The following SPOCK3 variants were observed in gnomAD, a reference collection of about 807,000 sequenced individuals.
SPOCK3 encodes testican-3.
Under a neutral mutation model 56.6 loss-of-function variants are expected in SPOCK3, and 30 were observed. That is an observed-to-expected ratio of 0.53 (90% confidence interval 0.40 to 0.72). The LOEUF (loss-of-function observed/expected upper bound fraction) is 0.72, where lower values mean the gene tolerates loss of function less well. Ranked by LOEUF, SPOCK3 falls within the 30% of genes least tolerant of loss-of-function variation. The pLI, the probability that SPOCK3 is intolerant of heterozygous loss-of-function variation, is 0.00. For missense variants in SPOCK3, 527 were observed against 530.0 expected (o/e 0.99, Z 0.06); for synonymous variants, 196 against 183.3 (o/e 1.07, Z -0.56).
intron 6 of SPOCK3, among the ~76,000 whole-genome samples, chr4:166,795,537 A>G (rs1276390907): frequency 6.6e-6 from 1 of 152,116 alleles, no homozygotes; most frequent in Non-Finnish European, 1.5e-5. Context: ...TAACCGATTT[A>G]CTTTAAAATT....
chr4:167,066,546 T>C (rs1449683825), intron 2 of SPOCK3, among the ~76,000 whole-genome samples: 1 of 151,956 alleles, frequency 6.6e-6, no homozygotes, highest in African/African-American at 2.4e-5. Flanking sequence ...ATTGAAAGTA[T>C]ATTAAACATT....
In SPOCK3 at chr4:166,745,708, G is replaced by A. The variant is rs942679450; in HGVS notation, c.932-3649C>T. ...CACAGACTGGCAAGTTGGATAAAGAGTCAAGACCCATCAGTGTGCTGTATT... is the reference window on the plus strand; with the variant it reads ...CACAGACTGGCAAGTTGGATAAAGAATCAAGACCCATCAGTGTGCTGTATT... On this transcript the variant is annotated intron_variant, in intron 8 of 10. Transcript: ENST00000357545. 3.9e-5 allele frequency among the ~76,000 whole-genome samples: 6 copies of A among 152,308 alleles called. No homozygotes were observed. The South Asian group carries it at 8.3e-4, about 21-fold the overall frequency.
chr4:166,840,780 T>TTTTTG (rs1162139783), intron 6 of SPOCK3, among the ~76,000 whole-genome samples: 2 of 138,556 alleles, frequency 1.4e-5, no homozygotes, highest in African/African-American at 5.5e-5. Flanking sequence ...AGTTTTTTTT[T>TTTTTG]TTTTTTTTTT....
At chr4:166,982,406 C>A (rs763262328) in intron 4 of SPOCK3, among the ~76,000 whole-genome samples, 13 of 152,000 alleles carry the variant, frequency 8.6e-5, no homozygotes, top group Non-Finnish European at 1.6e-4. Flanking sequence ...AAAATAACTC[C>A]TATAGACGTG....
intron 3 of SPOCK3, among the ~76,000 whole-genome samples, chr4:167,051,690 C>A (rs1167849569): frequency 6.6e-6 from 1 of 152,190 alleles, no homozygotes; most frequent in Non-Finnish European, 1.5e-5. Flanking sequence ...CACAAGCCGA[C>A]CCTGACTTTG....
In SPOCK3 at chr4:167,020,249, A is replaced by G. The variant is rs534154846; in HGVS notation, c.236-19786T>C. Among the ~76,000 whole-genome samples, 23 of 152,224 alleles carry G rather than the reference A, an allele frequency of 1.5e-4. 2 individuals are homozygous for G. In the South Asian group the frequency reaches 4.8e-3, roughly 32 times the overall value. ...TGGAAACCCATGCATTCAGTAATAAAACATTTTGTAAAATAGCCATATAAC... is the reference window on the plus strand; with the variant it reads ...TGGAAACCCATGCATTCAGTAATAAGACATTTTGTAAAATAGCCATATAAC... On this transcript the variant is annotated intron_variant, in intron 3 of 10. Transcript: ENST00000357545.
intron 2 of SPOCK3, 92 bp downstream of exon 2, chr4:167,233,893 G>T (rs533320797): frequency 2.7e-5 from 30 of 1,109,060 alleles, no homozygotes; most frequent in Non-Finnish European, 3.9e-5. Context: ...CTCAGAAAAC[G>T]GAGCCCACTC....
At chr4:167,096,029 A>T (rs562659933) in intron 2 of SPOCK3, among the ~76,000 whole-genome samples, 1 of 152,028 alleles carries the variant, frequency 6.6e-6, no homozygotes. Flanking sequence ...AACCAATGGA[A>T]TACTTAGGCA....
At chr4:167,222,258 C>G (rs962730475) in intron 2 of SPOCK3, among the ~76,000 whole-genome samples, 32 of 151,708 alleles carry the variant, frequency 2.1e-4, no homozygotes, top group African/African-American at 7.0e-4. Flanking sequence ...TTCGTAGAAA[C>G]AAAAAGTAGA....
At chr4:167,160,621 C>T (rs1422767312) in intron 2 of SPOCK3, among the ~76,000 whole-genome samples, 1 of 152,052 alleles carries the variant, frequency 6.6e-6, no homozygotes, top group East Asian at 1.9e-4. Context: ...GGAGGCATCA[C>T]TCTACCTGAC....
intron 4 of SPOCK3, among the ~76,000 whole-genome samples, chr4:166,918,148 T>G (rs772151358): frequency 4.6e-5 from 7 of 152,172 alleles, no homozygotes; most frequent in Non-Finnish European, 4.4e-5. Context: ...TTTATTACAT[T>G]TTGCCATGGG....
chr4:166,902,258 A>T (rs1042203469), intron 5 of SPOCK3, among the ~76,000 whole-genome samples: 4 of 152,070 alleles, frequency 2.6e-5, no homozygotes, highest in Admixed American at 2.6e-4. Flanking sequence ...TTTGGTAGGT[A>T]ATATGGCTTT....
At chr4:166,920,020 G>T (rs1738315189) in intron 4 of SPOCK3, among the ~76,000 whole-genome samples, 1 of 152,158 alleles carries the variant, frequency 6.6e-6, no homozygotes, top group Non-Finnish European at 1.5e-5. Flanking sequence ...CTTATACAGT[G>T]TGTATTAGCA....
At chr4:166,938,559 G>A (rs12648120) in intron 4 of SPOCK3, among the ~76,000 whole-genome samples, 55,848 of 151,746 alleles carry the variant, frequency 0.37, 11,317 homozygotes, top group East Asian at 0.61. Flanking sequence ...ATAAAAATGT[G>A]AAGCCATTAT....
chr4:167,192,791 G>T (rs560972224), intron 2 of SPOCK3, among the ~76,000 whole-genome samples: 1 of 145,218 alleles, frequency 6.9e-6, no homozygotes, highest in African/African-American at 2.6e-5. Flanking sequence ...CTTTTGATAC[G>T]TTGTGTTTCA....
chr4:166,938,083 T>C (rs1163721768), intron 4 of SPOCK3, among the ~76,000 whole-genome samples: 1 of 151,920 alleles, frequency 6.6e-6, no homozygotes, highest in Non-Finnish European at 1.5e-5. Context: ...TGAGCCACCG[T>C]GCCCAGCCAT....
intron 2 of SPOCK3, among the ~76,000 whole-genome samples, chr4:167,146,462 T>C (rs1423786616): frequency 6.6e-6 from 1 of 152,232 alleles, no homozygotes; most frequent in South Asian, 2.1e-4. Context: ...CAAGCGGACC[T>C]AATAGACATC....
At chr4:166,865,982 A>G (rs912142356) in intron 6 of SPOCK3, among the ~76,000 whole-genome samples, 3 of 152,178 alleles carry the variant, frequency 2.0e-5, no homozygotes. Context: ...AGACAGTCCT[A>G]AACAAAAGAA....
intron 2 of SPOCK3, among the ~76,000 whole-genome samples, chr4:167,199,225 T>G (rs910966847): frequency 1.2e-3 from 171 of 142,062 alleles, no homozygotes; most frequent in Non-Finnish European, 2.1e-3. Context: ...AAATATTTGT[T>G]TGTGTGTGTG....
Sources: allele counts gnomAD v4.1 joint callset (sites outside exome capture counted in the v4.1 genomes callset), GRCh38; gene constraint gnomAD v4.1.1; transcripts MANE v1.5; gene names NCBI Gene and HGNC (gene_info 2026-07-23, HGNC 2026-07-21).